Variants in OBP2B observed in about 807,000 individuals in gnomAD.
The protein encoded by OBP2B is odorant-binding protein 2b.
In OBP2B, 10 loss-of-function variants were observed where a neutral mutation model predicts 21.7. The ratio of observed to expected loss-of-function variants is 0.46; its 90% CI spans 0.28 to 0.78. OBP2B has a LOEUF of 0.78. OBP2B is among the 30% of genes least tolerant of loss of function. The pLI is 0.11. For synonymous variants in OBP2B, 73 were observed against 91.5 expected (o/e 0.80, Z 1.16); for missense variants, 153 against 217.7 (o/e 0.70, Z 1.87).
the OBP2B span, among the ~76,000 whole-genome samples, chr9:133,215,348 A>G: frequency 1.3e-5 from 2 of 152,252 alleles, no homozygotes; most frequent in Admixed American, 1.3e-4. Context: ...TTTCTCTCAA[A>G]TAATATAAAG....
At chr9:133,217,556 C>T in the OBP2B span, among the ~76,000 whole-genome samples, 1 of 152,236 alleles carries the variant, frequency 6.6e-6, no homozygotes, top group African/African-American at 2.4e-5. Context: ...GCACACACCA[C>T]ATTGAATTCA....
intron 6 of OBP2B, 106 bp from the exon 7 acceptor site, chr9:133,205,517 G>T: frequency 2.6e-6 from 2 of 755,954 alleles, no homozygotes; most frequent in Non-Finnish European, 4.3e-6. Context: ...GGCCACTGCT[G>T]GGCAACCTCG....
chr9:133,210,986 C>T (rs1833906065), upstream of OBP2B, among the ~76,000 whole-genome samples: 1 of 152,152 alleles, frequency 6.6e-6, no homozygotes, highest in Admixed American at 6.5e-5. Context: ...GTTGGGCTGC[C>T]GCTACCACAC....
the OBP2B span, among the ~76,000 whole-genome samples, chr9:133,219,729 A>G: frequency 6.6e-6 from 1 of 152,228 alleles, no homozygotes; most frequent in Non-Finnish European, 1.5e-5. Flanking sequence ...ACAGTTACAC[A>G]TAGAATTATT....
chr9:133,206,596 C>A, intron 4 of OBP2B, 180 bp from the exon 5 acceptor site: 1 of 736,264 alleles, frequency 1.4e-6, no homozygotes, highest in Non-Finnish European at 2.2e-6. Flanking sequence ...AGCACCAGGA[C>A]AAGGGGAGAG....
At chr9:133,217,573 C>T in the OBP2B span, among the ~76,000 whole-genome samples, 1,653 of 152,304 alleles carry the variant, frequency 0.011, 36 homozygotes, top group African/African-American at 0.038. Context: ...TTCAGGGGAC[C>T]GCCCCCAGAT....
At chr9:133,214,123 G>A (rs113776239), upstream of OBP2B, among the ~76,000 whole-genome samples, 12 of 152,216 alleles carry the variant, frequency 7.9e-5, no homozygotes, top group East Asian at 1.9e-4. Flanking sequence ...TGATCATATC[G>A]ATCAATGCAG....
chr9:133,207,449 G>A, intron 3 of OBP2B, 113 bp from the exon 4 acceptor site: 1 of 717,762 alleles, frequency 1.4e-6, no homozygotes, highest in Non-Finnish European at 2.4e-6. Flanking sequence ...GCCTGAGCCA[G>A]GCCTGGCTGC....
In OBP2B at chr9:133,206,050, G is replaced by A. The variant is rs1250750605; in HGVS notation, c.491-110C>T. Reference sequence around the variant, plus strand: ...CAGAGCCCATCGCAGCCCAGAGCGCGGAGCCCCAGACCCCATCGCAGCCCA... The same window carrying A: ...CAGAGCCCATCGCAGCCCAGAGCGCAGAGCCCCAGACCCCATCGCAGCCCA... On this transcript the variant is annotated intron_variant, in intron 5 of 6. Coordinates refer to ENST00000372034, the MANE Select transcript of OBP2B (RefSeq NM_014581.4). The A allele has an allele frequency of 4.8e-6, 7 of 1,456,386 alleles. No individual in the cohort carries two copies. In the Admixed American group the frequency reaches 7.0e-5, roughly 14 times the overall value. 90.2% of individuals were successfully genotyped at this position (1,456,386 alleles called of 1,614,324 possible). A position where few individuals can be genotyped will look rare whatever the true frequency, so the allele number is the denominator to read the frequency against.
the OBP2B span, among the ~76,000 whole-genome samples, chr9:133,221,140 A>G: frequency 6.6e-6 from 1 of 152,248 alleles, no homozygotes; most frequent in African/African-American, 2.4e-5. Flanking sequence ...TTGACCAACA[A>G]ATGAAAGCGT....
At chr9:133,222,432 A>T in the OBP2B span, among the ~76,000 whole-genome samples, 1 of 152,184 alleles carries the variant, frequency 6.6e-6, no homozygotes, top group Non-Finnish European at 1.5e-5. Context: ...TACAATGCAG[A>T]AGTGTATTTC....
intron 5 of OBP2B, 39 bp downstream of exon 5, chr9:133,206,275 CA>C: frequency 6.3e-7 from 1 of 1,586,300 alleles, no homozygotes; most frequent in Non-Finnish European, 8.7e-7. Flanking sequence ...CAGACAGACA[CA>C]GCAGAGGGAC....
chr9:133,211,199 C>T (rs1181166322), upstream of OBP2B, among the ~76,000 whole-genome samples: 13 of 152,312 alleles, frequency 8.5e-5, no homozygotes, highest in Admixed American at 3.9e-4. Flanking sequence ...GACTGAGGCA[C>T]GCCAAGAAGG....
At chr9:133,220,039 C>T in the OBP2B span, among the ~76,000 whole-genome samples, 1 of 152,158 alleles carries the variant, frequency 6.6e-6, no homozygotes, top group African/African-American at 2.4e-5. Flanking sequence ...TATATGATTC[C>T]ATTTCTATGA....
the OBP2B span, among the ~76,000 whole-genome samples, chr9:133,223,181 C>T: frequency 5.9e-5 from 9 of 152,284 alleles, no homozygotes; most frequent in Non-Finnish European, 7.4e-5. This position sits in a 1 kb window ranked among gnomAD's most constrained non-coding sequence, Gnocchi z 4.4. Flanking sequence ...GGGGCTGGGA[C>T]GCCAGGATGG....
chr9:133,208,021 C>T, intron 3 of OBP2B, 112 bp downstream of exon 3: 1 of 1,507,002 alleles, frequency 6.6e-7, no homozygotes, highest in Non-Finnish European at 8.9e-7. Flanking sequence ...TGGAGGTGGG[C>T]AGAGCTGGGG....
the OBP2B span, among the ~76,000 whole-genome samples, chr9:133,215,448 C>G: frequency 1.3e-5 from 2 of 152,132 alleles, no homozygotes; most frequent in Non-Finnish European, 2.9e-5. Flanking sequence ...GGCAGAGGAA[C>G]TAGAATAACT....
chr9:133,223,210 A>G, the OBP2B span, among the ~76,000 whole-genome samples: 1 of 152,176 alleles, frequency 6.6e-6, no homozygotes, highest in East Asian at 1.9e-4. This position sits in a 1 kb window ranked among gnomAD's most constrained non-coding sequence, Gnocchi z 4.4. Flanking sequence ...AACATGGAGA[A>G]AGGACTCTGT....
rs537437618 is a variant in OBP2B, at chr9:133,206,266, A to C, written c.490+49T>G. ...GGGGTCATGGGACACTGGAGATAGCAGACAGACACAGCAGAGGGACACAGG... is the reference window on the plus strand; with the variant it reads ...GGGGTCATGGGACACTGGAGATAGCCGACAGACACAGCAGAGGGACACAGG... On this transcript the variant is annotated intron_variant, in intron 5 of 6. Transcript: ENST00000372034. 2.8e-5 allele frequency: 44 copies of C among 1,566,458 alleles called. No homozygotes were observed. The African/African-American group carries it at 3.6e-4, about 13-fold the overall frequency.
Sources: gnomAD v4.1 joint callset for allele counts (sites outside exome capture counted in the v4.1 genomes callset) on GRCh38, gnomAD v4.1.1 for gene constraint, Gnocchi (gnomAD v3.1) non-coding constraint, MANE v1.5 for transcripts, NCBI Gene and HGNC (gene_info 2026-07-23, HGNC 2026-07-21) for gene names.